Variants in RANBP17 observed in about 807,000 individuals in gnomAD.
The protein encoded by RANBP17 is ran-binding protein 17.
In RANBP17, 158 loss-of-function variants were observed where a neutral mutation model predicts 141.2. The observed-to-expected ratio is 1.12, with a 90% CI of 0.98 to 1.28. RANBP17 has a LOEUF of 1.28. Among genes scored for constraint, RANBP17 ranks in the 50% most tolerant of loss-of-function variants. The pLI is 0.00. For synonymous variants in RANBP17, 430 were observed against 450.0 expected, an observed-to-expected ratio of 0.96 and a Z score of 0.56; for missense variants, 1,438 against 1,290.7, an observed-to-expected ratio of 1.11 and a Z score of -1.75.
intron 1 of RANBP17, among the ~76,000 whole-genome samples, chr5:170,872,637 G>A (rs923236016): frequency 3.9e-5 from 6 of 152,128 alleles, no homozygotes; most frequent in Non-Finnish European, 7.4e-5. Context: ...TATGACATTG[G>A]CTGTGGGTTT....
chr5:171,102,754 T>C (rs545398164), intron 14 of RANBP17, among the ~76,000 whole-genome samples: 1 of 152,250 alleles, frequency 6.6e-6, no homozygotes, highest in South Asian at 2.1e-4. Context: ...TGGTCTTCGA[T>C]GTTGGTGACC....
chr5:171,229,738 A>C (rs899411351), intron 22 of RANBP17, among the ~76,000 whole-genome samples: 6 of 148,546 alleles, frequency 4.0e-5, no homozygotes, highest in Admixed American at 6.7e-5. Context: ...GAGAGATAGG[A>C]AGATAAATAA....
At chr5:170,902,470 C>G (rs1347348741) in intron 5 of RANBP17, among the ~76,000 whole-genome samples, 2 of 152,144 alleles carry the variant, frequency 1.3e-5, no homozygotes, top group Non-Finnish European at 2.9e-5. Flanking sequence ...TTAGAACATG[C>G]TCCTTTAGCT....
At chr5:171,215,794 T>A (rs1188947043) in intron 21 of RANBP17, among the ~76,000 whole-genome samples, 6 of 152,200 alleles carry the variant, frequency 3.9e-5, no homozygotes, top group African/African-American at 9.6e-5. Context: ...CCTTGTAGAT[T>A]CTGGATATTA....
intron 14 of RANBP17, among the ~76,000 whole-genome samples, chr5:171,056,517 T>A (rs1297084294): frequency 6.6e-6 from 1 of 152,122 alleles, no homozygotes; most frequent in Non-Finnish European, 1.5e-5. Flanking sequence ...TACAGGAGTT[T>A]CCCGTAATTT....
intron 3 of RANBP17, among the ~76,000 whole-genome samples, chr5:170,888,421 T>C (rs1407749019): frequency 1.3e-5 from 2 of 152,204 alleles, no homozygotes; most frequent in Non-Finnish European, 2.9e-5. Context: ...CATATGGGTC[T>C]TGTACCTACA....
intron 14 of RANBP17, among the ~76,000 whole-genome samples, chr5:171,036,001 T>C (rs934200332): frequency 6.6e-6 from 1 of 152,248 alleles, no homozygotes; most frequent in Non-Finnish European, 1.5e-5. Context: ...TAAGCAGTTC[T>C]TGTGCCTCAG....
In RANBP17 at chr5:171,290,634, A is replaced by G. The variant is rs376842456; in HGVS notation, c.2944-3249A>G. On this transcript the variant is annotated intron_variant, in intron 25 of 27. Transcript: ENST00000523189. ...ACATTGTCATTCAAAATCCTTACAA[A>G]TAACATGTGCCAGATCAAATAAGGA... Among the ~76,000 whole-genome samples the G allele has an allele frequency of 1.3e-3, 200 of 152,366 alleles. 9 individuals carry two copies. In the South Asian group the frequency reaches 0.04, roughly 30 times the overall value.
At chr5:171,251,898 A>T (rs139513156) in intron 24 of RANBP17, 1 of 1,562,662 alleles carries the variant, frequency 6.4e-7, no homozygotes, top group African/African-American at 1.4e-5. Context: ...AGATTGGTCC[A>T]GAACAGTTTC....
rs370068980 is a variant in RANBP17 at position 171,169,453 on chromosome 5, G to A, written c.1711-677G>A. Among the ~76,000 whole-genome samples, 195 of 152,176 alleles carry A rather than the reference G, an allele frequency of 1.3e-3. 9 individuals are homozygous for A. In the South Asian group the frequency reaches 0.039, roughly 30 times the overall value. On this transcript the variant is annotated intron_variant, in intron 14 of 27. Coordinates refer to ENST00000523189, the MANE Select transcript of RANBP17 (RefSeq NM_022897.5). ...GATATGTGTTTATAAGCTTAATGTG[G>A]CTTGGATTGAGACTGAAATGTTGCA...
chr5:171,070,090 G>A (rs1784547205), intron 14 of RANBP17, among the ~76,000 whole-genome samples: 1 of 152,038 alleles, frequency 6.6e-6, no homozygotes, highest in Non-Finnish European at 1.5e-5. Context: ...TTTCCTTTCT[G>A]TCTTGACAGA....
At chr5:171,010,177 G>A (rs1474273357) in intron 14 of RANBP17, among the ~76,000 whole-genome samples, 1 of 152,122 alleles carries the variant, frequency 6.6e-6, no homozygotes, top group African/African-American at 2.4e-5. Context: ...AGGAACAATA[G>A]GCAGAAAGCT....
Position 170,905,842 on chromosome 5 carries a change from A to G in RANBP17, c.490-3819A>G, listed in dbSNP as rs950416518. Reference sequence around the variant, plus strand: ...TTTGATTCATTTCATGCTTCTCAGCATAATAGGAAAATAGTCTGCCCTGGA... The same window carrying G: ...TTTGATTCATTTCATGCTTCTCAGCGTAATAGGAAAATAGTCTGCCCTGGA... On this transcript the variant is annotated intron_variant, in intron 5 of 27. Coordinates refer to ENST00000523189, the MANE Select transcript of RANBP17 (RefSeq NM_022897.5). Among the ~76,000 whole-genome samples the G allele has an allele frequency of 9.9e-5, 15 of 152,276 alleles. No homozygotes were observed. The East Asian group carries it at 2.3e-3, about 23-fold the overall frequency.
chr5:171,295,277 G>A (rs1768746543), intron 26 of RANBP17, among the ~76,000 whole-genome samples: 1 of 152,134 alleles, frequency 6.6e-6, no homozygotes, highest in Admixed American at 6.5e-5. Flanking sequence ...GGCTGTGCAG[G>A]TGTTTGTGAG....
chr5:171,280,241 C>G (rs1767770282), intron 25 of RANBP17, among the ~76,000 whole-genome samples: 1 of 152,106 alleles, frequency 6.6e-6, no homozygotes, highest in Non-Finnish European at 1.5e-5. Flanking sequence ...TCTCTCTTAA[C>G]TCATGGAAAG....
At chr5:170,954,157 A>G (rs893993604) in intron 13 of RANBP17, among the ~76,000 whole-genome samples, 2 of 152,228 alleles carry the variant, frequency 1.3e-5, no homozygotes, top group African/African-American at 4.8e-5. Flanking sequence ...ATTTCTATAT[A>G]TGAATAATAC....
At chr5:170,916,672 G>T in intron 9 of RANBP17, 88 bp downstream of exon 9, 9 of 750,604 alleles carry the variant, frequency 1.2e-5, no homozygotes, top group East Asian at 3.2e-5. Flanking sequence ...AATTTATTAT[G>T]ATTCTGGAAG....
chr5:171,213,027 C>T (rs1178385068), intron 20 of RANBP17, among the ~76,000 whole-genome samples: 4 of 152,120 alleles, frequency 2.6e-5, no homozygotes, highest in Non-Finnish European at 5.9e-5. Context: ...TTAATAGTTA[C>T]TCAAAGCTTT....
intron 19 of RANBP17, among the ~76,000 whole-genome samples, chr5:171,200,705 C>CA (rs1048793074): frequency 6.6e-6 from 1 of 151,844 alleles, no homozygotes; most frequent in South Asian, 2.1e-4. Context: ...AAAACAAAAA[C>CA]AAAAAAACTA....
Sources: allele counts gnomAD v4.1 joint callset (sites outside exome capture counted in the v4.1 genomes callset), GRCh38; gene constraint gnomAD v4.1.1; transcripts MANE v1.5; gene names NCBI Gene and HGNC (gene_info 2026-07-23, HGNC 2026-07-21).